Variants in UBXN7 observed in about 807,000 individuals in gnomAD.
UBXN7 encodes UBX domain-containing protein 7.
Under a neutral mutation model 58.0 loss-of-function variants are expected in UBXN7, and 9 were observed. The ratio of observed to expected loss-of-function variants is 0.16; its 90% CI spans 0.09 to 0.27. UBXN7 has a LOEUF of 0.27. Among genes scored for constraint, UBXN7 ranks in the 10% least tolerant of loss-of-function variants. The pLI is 1.00. For synonymous variants in UBXN7, 208 were observed against 205.0 expected (o/e 1.01, Z -0.12); for missense variants, 328 against 599.6 (o/e 0.55, Z 4.73).
At chr3:196,421,040 T>A (rs541950074) in intron 1 of UBXN7, among the ~76,000 whole-genome samples, 1 of 152,016 alleles carries the variant, frequency 6.6e-6, no homozygotes, top group African/African-American at 2.4e-5. Flanking sequence ...GATATGGGAG[T>A]GGATGACAGT....
intron 1 of UBXN7, among the ~76,000 whole-genome samples, chr3:196,419,346 A>G (rs1260986796): frequency 2.0e-5 from 3 of 152,076 alleles, no homozygotes; most frequent in South Asian, 2.1e-4. Flanking sequence ...GATGACTTCC[A>G]TCTTTGGAGT....
At chr3:196,420,887 A>G (rs1468783560) in intron 1 of UBXN7, among the ~76,000 whole-genome samples, 2 of 152,232 alleles carry the variant, frequency 1.3e-5, no homozygotes, top group East Asian at 3.8e-4. Flanking sequence ...ACTACCATCC[A>G]GAAACCAAAG....
intron 8 of UBXN7, among the ~76,000 whole-genome samples, chr3:196,363,920 T>G (rs1275286136): frequency 7.2e-6 from 1 of 138,964 alleles, no homozygotes; most frequent in African/African-American, 2.7e-5. Flanking sequence ...AGACTCCATC[T>G]CAAAAAAAAA....
intron 3 of UBXN7, 101 bp from the exon 4 acceptor site, chr3:196,393,720 A>T: frequency 8.4e-7 from 1 of 1,184,126 alleles, no homozygotes; most frequent in Middle Eastern, 2.6e-4. Flanking sequence ...AAACATATGA[A>T]ACCCTTCACG....
chr3:196,361,569 A>G (rs1463715922), intron 10 of UBXN7, among the ~76,000 whole-genome samples: 2 of 152,312 alleles, frequency 1.3e-5, no homozygotes, highest in Non-Finnish European at 2.9e-5. Context: ...AAACTGCCAC[A>G]GTACCCATCA....
chr3:196,381,269 A>T (rs1189658952), intron 5 of UBXN7, among the ~76,000 whole-genome samples: 2 of 152,210 alleles, frequency 1.3e-5, no homozygotes, highest in African/African-American at 4.8e-5. Context: ...CCCCTCTGGG[A>T]CGAAGCTTCC....
Position 196,407,295 on chromosome 3 carries a change from C to T in UBXN7, c.172G>A (p.Glu58Lys). The T allele has an allele frequency of 6.2e-7, 1 of 1,614,136 alleles. No homozygotes were observed. Among genetic ancestry groups the T allele is most frequent in the Non-Finnish European group, 8.5e-7 (1 of 1,180,040 alleles). The change falls in exon 2 of 11, where the codon GAG becomes AAG. Residue 58 changes from glutamate (E) to lysine (K), a missense_variant. Glu to Lys is a moderately conservative substitution (Grantham distance 56, BLOSUM62 1). Coordinates refer to ENST00000296328, the MANE Select transcript of UBXN7 (RefSeq NM_015562.2). Reference sequence around the variant, plus strand: ...ACACTTGCTGAACTGGTACTGGGCTCTTCAGCGATTCCTCCACCATCCAAA... The same window carrying T: ...ACACTTGCTGAACTGGTACTGGGCTTTTCAGCGATTCCTCCACCATCCAAA... ...MFLDGGGIAEEPSTSSASVST... is the reference protein window; with the variant it reads ...MFLDGGGIAEKPSTSSASVST...
intron 4 of UBXN7, among the ~76,000 whole-genome samples, chr3:196,393,258 G>A (rs1371040797): frequency 6.6e-6 from 1 of 152,146 alleles, no homozygotes; most frequent in Non-Finnish European, 1.5e-5. Context: ...GATCCTGAGG[G>A]AAATCAGTTT....
chr3:196,359,061 A>T (rs1200416009), intron 10 of UBXN7, among the ~76,000 whole-genome samples: 1 of 152,078 alleles, frequency 6.6e-6, no homozygotes, highest in Non-Finnish European at 1.5e-5. Flanking sequence ...GCCCTGTTTC[A>T]TTGTGCTTCA....
intron 5 of UBXN7, among the ~76,000 whole-genome samples, chr3:196,379,434 C>G (rs934005797): frequency 2.6e-5 from 4 of 152,138 alleles, no homozygotes; most frequent in Non-Finnish European, 4.4e-5. Context: ...CTTATTTTAC[C>G]GAGCCCCTAT....
chr3:196,426,649 G>A (rs142307462), intron 1 of UBXN7, among the ~76,000 whole-genome samples: 2,578 of 152,122 alleles, frequency 0.017, 40 homozygotes, highest in Non-Finnish European at 0.027. Flanking sequence ...GGGAGTTCGA[G>A]ACCAGCCTGA....
Position 196,393,755 on chromosome 3 carries a change from G to A in UBXN7, c.290-136C>T, listed in dbSNP as rs141065556. 7.9e-3 allele frequency: 5,835 copies of A among 737,548 alleles called. 47 individuals carry two copies. Among genetic ancestry groups the A allele is most frequent in the South Asian group, 0.022 (1,088 of 49,254 alleles). 45.7% of individuals were successfully genotyped at this position (737,548 alleles called of 1,614,324 possible). ...GAACTGCATGTCACCCTTGCACAGG[G>A]GCCGTGCTAATCTCTGTCTCGTTCC... On this transcript the variant is annotated intron_variant, in intron 3 of 10. Transcript: ENST00000296328.
intron 5 of UBXN7, among the ~76,000 whole-genome samples, chr3:196,382,444 A>C (rs372617441): frequency 6.6e-6 from 1 of 152,174 alleles, no homozygotes; most frequent in African/African-American, 2.4e-5. Context: ...ATGCTGAGAC[A>C]TTTTGTCACC....
chr3:196,378,405 G>C (rs985783173), intron 5 of UBXN7, among the ~76,000 whole-genome samples: 3 of 152,092 alleles, frequency 2.0e-5, no homozygotes, highest in African/African-American at 7.2e-5. Context: ...ACCCTTATCA[G>C]CTCCTCCCTC....
rs773407205 is a variant in UBXN7 at position 196,356,659 on chromosome 3, A to G, written c.*26T>C. The G allele has an allele frequency of 1.9e-6, 3 of 1,566,488 alleles. No homozygotes were observed. Among genetic ancestry groups the G allele is most frequent in the African/African-American group, 2.8e-5 (2 of 71,986 alleles). ...TCACAGGAAAAGGGAAAAAAGGGGT[A>G]AGCTGAGAGAGGTCAAGCCATGGTG... On this transcript the variant is annotated 3_prime_UTR_variant, in exon 11 of 11. Transcript: ENST00000296328.
chr3:196,422,657 T>C (rs1270315792), intron 1 of UBXN7, among the ~76,000 whole-genome samples: 3 of 152,102 alleles, frequency 2.0e-5, no homozygotes, highest in African/African-American at 7.2e-5. Flanking sequence ...TCAAAGCCAC[T>C]ATACTTTCCA....
At chr3:196,401,779 A>G (rs1729993986) in intron 3 of UBXN7, among the ~76,000 whole-genome samples, 1 of 145,856 alleles carries the variant, frequency 6.9e-6, no homozygotes, top group Admixed American at 7.1e-5. Context: ...AAAAAAAAAA[A>G]AAAAAAAAAA....
Position 196,390,093 on chromosome 3 carries a change from T to C in UBXN7, c.468+1720A>G, listed in dbSNP as rs146887393. ...AATTGGCCAGGTGTGGTAGTGGGTG[T>C]CTGTAGCCCTACTTATTTGGGAGGT... On this transcript the variant is annotated intron_variant, in intron 5 of 10. Transcript: ENST00000296328. Among the ~76,000 whole-genome samples the C allele has an allele frequency of 1.1e-3, 170 of 152,008 alleles. 1 individual carries two copies. The highest frequency in any genetic ancestry group is 3.8e-3 in the African/African-American group (156 of 41,478).
chr3:196,359,053 CCT>C (rs1355881873), intron 10 of UBXN7, among the ~76,000 whole-genome samples: 5 of 152,230 alleles, frequency 3.3e-5, no homozygotes, highest in African/African-American at 7.2e-5. Context: ...CTTCCAACGC[CCT>C]GTTTCATTGT....
Sources: allele counts gnomAD v4.1 joint callset (sites outside exome capture counted in the v4.1 genomes callset), GRCh38; gene constraint gnomAD v4.1.1; transcripts MANE v1.5; gene names NCBI Gene and HGNC (gene_info 2026-07-23, HGNC 2026-07-21).